Variants in FOXP2 observed in about 807,000 individuals in gnomAD.
The protein encoded by FOXP2 is forkhead box protein P2.
FOXP2 carries 12 observed loss-of-function variants against 115.8 expected under a neutral mutation model. That is an observed-to-expected ratio of 0.10 (90% CI 0.07 to 0.17). FOXP2 has a LOEUF of 0.17. Among genes scored for constraint, FOXP2 ranks in the 10% least tolerant of loss-of-function variants. The pLI, the probability that FOXP2 is intolerant of heterozygous loss-of-function variation, is 1.00. For synonymous variants in FOXP2, 328 were observed against 297.7 expected (o/e 1.10, Z -1.05); for missense variants, 629 against 843.5 (o/e 0.75, Z 3.15).
intron 1 of FOXP2, among the ~76,000 whole-genome samples, chr7:114,203,341 A>AT (rs1794120983): frequency 1.3e-5 from 2 of 151,266 alleles, no homozygotes; most frequent in South Asian, 4.2e-4. Context: ...ATCTTTTTTT[A>AT]TTTTTTTTGG....
At chr7:114,357,409 G>A (rs1791642454) in intron 2 of FOXP2, among the ~76,000 whole-genome samples, 1 of 152,144 alleles carries the variant, frequency 6.6e-6, no homozygotes, top group Admixed American at 6.5e-5. Context: ...TGGGCTTCAA[G>A]GTTCATTTGC....
intron 1 of FOXP2, among the ~76,000 whole-genome samples, chr7:114,238,246 TAC>T (rs1232881194): frequency 6.7e-6 from 1 of 149,920 alleles, no homozygotes; most frequent in African/African-American, 2.4e-5. Context: ...GACCTATATC[TAC>T]CATCTGCTAA....
Position 114,148,206 on chromosome 7 carries a change from G to A in FOXP2, c.-246-14738G>A, listed in dbSNP as rs145080639. 6.2e-4 allele frequency among the ~76,000 whole-genome samples: 94 copies of A among 152,232 alleles called. No individual in the cohort carries two copies. The East Asian group carries it at 0.017, about 27-fold the overall frequency. ...GAAGAATCTCATCAGAAGTTTGAAGGGAGTTACATTGAGTTTATGATTTAA... is the reference window on the plus strand; with the variant it reads ...GAAGAATCTCATCAGAAGTTTGAAGAGAGTTACATTGAGTTTATGATTTAA... On this transcript the variant is annotated intron_variant, in intron 1 of 19. Transcript: ENST00000635638.
chr7:114,266,916 G>A (rs955886409), intron 1 of FOXP2, among the ~76,000 whole-genome samples: 1 of 152,100 alleles, frequency 6.6e-6, no homozygotes, highest in Admixed American at 6.5e-5. Context: ...GACCCTCGAG[G>A]AGCTTAATGT....
intron 2 of FOXP2, among the ~76,000 whole-genome samples, chr7:114,430,596 A>G (rs1422090113): frequency 6.6e-6 from 1 of 151,768 alleles, no homozygotes; most frequent in African/African-American, 2.4e-5. Context: ...TCACACTACA[A>G]TATTAATTGA....
intron 2 of FOXP2, among the ~76,000 whole-genome samples, chr7:114,495,427 A>G (rs1797259438): frequency 2.0e-5 from 3 of 149,104 alleles, no homozygotes; most frequent in Non-Finnish European, 4.5e-5. Context: ...TCAGACTTTC[A>G]GCAACTTTGG....
intron 1 of FOXP2, among the ~76,000 whole-genome samples, chr7:114,199,661 T>C (rs1043082224): frequency 6.6e-6 from 1 of 152,232 alleles, no homozygotes; most frequent in South Asian, 2.1e-4. Flanking sequence ...GTTGAATGTT[T>C]ACATTGAGAC....
chr7:114,664,791 T>C lies in FOXP2; in HGVS notation c.2003+355T>C, dbSNP rs78265657. 1,619 of 280,906 alleles carry C rather than the reference T, an allele frequency of 5.8e-3. 18 individuals are homozygous for C. The highest frequency in any genetic ancestry group is 0.033 in the African/African-American group (1,473 of 44,764). The allele number at this position is 280,906 out of a possible 1,614,324, so 17.4% of individuals were successfully genotyped here. The stretch of plus-strand genomic sequence containing the variant: ...GAATATTCATGATGGAATAAGTTGT[T>C]ATAATTTTTACTACTGTTACAGGTC... On this transcript the variant is annotated intron_variant, in intron 16 of 16. Transcript: ENST00000350908.
chr7:114,250,106 T>C (rs1406654334), intron 1 of FOXP2, among the ~76,000 whole-genome samples: 4 of 152,066 alleles, frequency 2.6e-5, no homozygotes, highest in African/African-American at 9.7e-5. Context: ...GTTTCATCCA[T>C]GTCCCTACAA....
At chr7:114,571,708 A>G (rs1189484226) in intron 3 of FOXP2, among the ~76,000 whole-genome samples, 1 of 151,900 alleles carries the variant, frequency 6.6e-6, no homozygotes, top group Non-Finnish European at 1.5e-5. Context: ...CATTTATTTT[A>G]CATTAAGTAT....
chr7:114,427,489 C>A (rs1206924778), intron 2 of FOXP2, among the ~76,000 whole-genome samples: 3 of 151,288 alleles, frequency 2.0e-5, no homozygotes, highest in African/African-American at 7.3e-5. Context: ...GAAAAGAAAG[C>A]TTTGAAAGCA....
At chr7:114,496,232 A>T (rs540661733) in intron 2 of FOXP2, among the ~76,000 whole-genome samples, 56 of 152,316 alleles carry the variant, frequency 3.7e-4, no homozygotes, top group East Asian at 2.3e-3. Context: ...GATAAACATT[A>T]ACTTCTGTTT....
intron 1 of FOXP2, among the ~76,000 whole-genome samples, chr7:114,091,499 C>G (rs1479365310): frequency 6.6e-6 from 1 of 151,756 alleles, no homozygotes; most frequent in Non-Finnish European, 1.5e-5. Flanking sequence ...GGAGTATAAT[C>G]TCAATTTTAT....
intron 3 of FOXP2, among the ~76,000 whole-genome samples, chr7:114,562,336 C>G (rs1800795809): frequency 6.6e-6 from 1 of 152,144 alleles, no homozygotes; most frequent in Non-Finnish European, 1.5e-5. Flanking sequence ...CTCTAGACAC[C>G]TTACTCTGCC....
chr7:114,570,819 G>A (rs758177672), intron 3 of FOXP2: 4 of 1,611,734 alleles, frequency 2.5e-6, no homozygotes, highest in Non-Finnish European at 2.5e-6. Context: ...ATTGCTTCCA[G>A]AAACAAAATT....
chr7:114,334,471 G>A (rs1308159571), intron 2 of FOXP2, among the ~76,000 whole-genome samples: 1 of 151,720 alleles, frequency 6.6e-6, no homozygotes, highest in African/African-American at 2.4e-5. Context: ...TCATATTTAA[G>A]CATTATTATT....
rs146061146 is a variant in FOXP2 at position 114,146,692 on chromosome 7, C to T, written c.-246-16252C>T. ...AGGAATGCTAATTGCTAATATGATA[C>T]TATGATATAAATTTGTCATGGCATA... On this transcript the variant is annotated intron_variant, in intron 1 of 19. Transcript: ENST00000635638. 2.7e-3 allele frequency among the ~76,000 whole-genome samples: 418 copies of T among 152,226 alleles called. 4 individuals are homozygous for T. The highest frequency in any genetic ancestry group is 9.7e-3 in the African/African-American group (403 of 41,538).
chr7:114,210,422 G>T (rs1256053689), intron 1 of FOXP2, among the ~76,000 whole-genome samples: 1 of 152,212 alleles, frequency 6.6e-6, no homozygotes, highest in Non-Finnish European at 1.5e-5. Context: ...TTTGCTGGGG[G>T]TTTGCTCCAG....
intron 2 of FOXP2, among the ~76,000 whole-genome samples, chr7:114,332,491 G>A (rs899096498): frequency 6.6e-6 from 1 of 152,052 alleles, no homozygotes; most frequent in Non-Finnish European, 1.5e-5. Flanking sequence ...ATTATATCTT[G>A]ATTTTTAATT....
Sources: allele counts gnomAD v4.1 joint callset (sites outside exome capture counted in the v4.1 genomes callset), GRCh38; gene constraint gnomAD v4.1.1; transcripts MANE v1.5; gene names NCBI Gene and HGNC (gene_info 2026-07-23, HGNC 2026-07-21).